Variants in CDH3 observed in about 807,000 individuals in gnomAD.
CDH3 encodes the protein cadherin-3.
A neutral mutation model predicts 82.0 loss-of-function variants in CDH3; 54 were observed. That is an observed-to-expected ratio of 0.66 (90% CI 0.53 to 0.83). The LOEUF (loss-of-function observed/expected upper bound fraction) is 0.83, where lower values mean the gene tolerates loss of function less well. Ranked by LOEUF, CDH3 falls within the 40% of genes least tolerant of loss-of-function variation. The pLI is 0.00. For missense variants in CDH3, 1,054 were observed against 1,084.6 expected (o/e 0.97, Z 0.40); for synonymous variants, 446 against 437.9 (o/e 1.02, Z -0.23).
intron 2 of CDH3, among the ~76,000 whole-genome samples, chr16:68,726,089 G>A (rs901465492): frequency 6.6e-6 from 1 of 152,140 alleles, no homozygotes; most frequent in African/African-American, 2.4e-5. Context: ...GAATTCAGAA[G>A]CAGGCAGTCA....
At chr16:68,672,522 C>T (rs766544674) in intron 2 of CDH3, among the ~76,000 whole-genome samples, 5 of 152,158 alleles carry the variant, frequency 3.3e-5, no homozygotes, top group African/African-American at 4.8e-5. Flanking sequence ...CTTCTGAGGA[C>T]AGAAGATGAG....
Position 68,695,795 on chromosome 16 carries a change from C to CCGGAG in CDH3, c.2152_2153insCGGAG (p.Leu718ProfsTer43). The stretch of plus-strand genomic sequence containing the variant: ...CCCACAGGACTATGACATCACCCAG[C>CCGGAG]TCCACCGAGGTCTGGAGGCCAGGCC... On this transcript the variant is annotated frameshift_variant, in exon 15 of 16. Coordinates refer to ENST00000264012, the MANE Select transcript of CDH3 (RefSeq NM_001793.6). LOFTEE classifies it high-confidence loss of function. The CCGGAG allele has an allele frequency of 3.7e-6, 6 of 1,614,148 alleles. No individual in the cohort carries two copies. The highest frequency in any genetic ancestry group is 5.1e-6 in the Non-Finnish European group (6 of 1,180,032).
chr16:68,719,282 A>G (rs551579161), intron 1 of CDH3, among the ~76,000 whole-genome samples: 1 of 151,868 alleles, frequency 6.6e-6, no homozygotes, highest in South Asian at 2.1e-4. Context: ...AAAACGAACT[A>G]TGAACTACAG....
intron 11 of CDH3, among the ~76,000 whole-genome samples, chr16:68,686,045 G>A (rs1199175434): frequency 6.6e-6 from 1 of 152,176 alleles, no homozygotes; most frequent in Non-Finnish European, 1.5e-5. Context: ...GCCGGGCATG[G>A]TGACTCAAGC....
At chr16:68,706,336 A>G (rs1184252412) in intron 1 of CDH3, among the ~76,000 whole-genome samples, 2 of 151,866 alleles carry the variant, frequency 1.3e-5, no homozygotes, top group African/African-American at 4.8e-5. Flanking sequence ...GCCCTGCTCT[A>G]CCCAGCCCAA....
chr16:68,722,112 G>A (rs762649464), intron 1 of CDH3, among the ~76,000 whole-genome samples: 1 of 152,096 alleles, frequency 6.6e-6, no homozygotes, highest in African/African-American at 2.4e-5. Context: ...AACAACAAAA[G>A]GATTATCCTT....
In CDH3 at chr16:68,654,380, A is replaced by ATTTTTTTTTTTTTTTTTTTTTTTT. The variant is rs1176713669; in HGVS notation, c.160+8645_160+8668dup. On this transcript the variant is annotated intron_variant, in intron 2 of 15. Coordinates refer to ENST00000264012, the MANE Select transcript of CDH3 (RefSeq NM_001793.6). ...GGCCTTTTTCTTAATTTTTAAATTA[A>ATTTTTTTTTTTTTTTTTTTTTTTT]TTTTTTTTTTTTTTTTTTTTTTTTT... 6.2e-5 allele frequency among the ~76,000 whole-genome samples: 3 copies of ATTTTTTTTTTTTTTTTTTTTTTTT among 48,494 alleles called. 1 individual carries two copies. Among genetic ancestry groups the ATTTTTTTTTTTTTTTTTTTTTTTT allele is most frequent in the Admixed American group, 3.2e-4 (1 of 3,148 alleles). The allele number at this position is 48,494 out of a possible 152,430, so 31.8% of individuals were successfully genotyped here.
chr16:68,725,669 T>C (rs1290843084), intron 2 of CDH3, among the ~76,000 whole-genome samples: 8 of 152,078 alleles, frequency 5.3e-5, no homozygotes, highest in Admixed American at 5.2e-4. Flanking sequence ...ACAAAGTAGG[T>C]TCCATTATTA....
At position 68,682,433 on chromosome 16, in the gene CDH3, T is replaced by C. The variant is rs759791249; in HGVS notation, c.1128T>C (p.His376=). 1.2e-6 allele frequency: 2 copies of C among 1,614,024 alleles called. No individual in the cohort carries two copies. The highest frequency in any genetic ancestry group is 1.7e-6 in the Non-Finnish European group (2 of 1,180,002). The change falls in exon 9 of 16, where the codon CAT becomes CAC. Residue 376 remains histidine (H), a synonymous_variant. Coordinates refer to ENST00000264012, the MANE Select transcript of CDH3 (RefSeq NM_001793.6). ...YLIMGGDDGD[H]FTITTHPESN... is the part of the protein sequence containing the mutation. ...TCATGGGCGGTGACGACGGGGACCA[T>C]TTTACCATCACCACCCACCCTGAGA...
At chr16:68,695,561 G>A (rs1408026707) in intron 14 of CDH3, among the ~76,000 whole-genome samples, 176 bp downstream of exon 14, 1 of 152,198 alleles carries the variant, frequency 6.6e-6, no homozygotes, top group African/African-American at 2.4e-5. Context: ...TAGTCTCTTT[G>A]GCCCTAGCCA....
chr16:68,715,641 C>G (rs1285923464), intron 1 of CDH3, among the ~76,000 whole-genome samples: 1 of 152,168 alleles, frequency 6.6e-6, no homozygotes, highest in Non-Finnish European at 1.5e-5. Context: ...TGGTGCACAG[C>G]ATTTTAATAA....
chr16:68,702,419 G>A (rs369559337), downstream of CDH3, among the ~76,000 whole-genome samples: 13 of 152,264 alleles, frequency 8.5e-5, no homozygotes, highest in East Asian at 1.2e-3. Flanking sequence ...GATGGGGATC[G>A]TGGTCCCGGT....
chr16:68,687,814 A>G (rs1961459284), intron 12 of CDH3, 78 bp downstream of exon 12: 2 of 987,850 alleles, frequency 2.0e-6, no homozygotes, highest in South Asian at 2.6e-5. Context: ...GATTCTGCAC[A>G]CGTTCCTATC....
chr16:68,694,147 G>A (rs967093754), intron 13 of CDH3, among the ~76,000 whole-genome samples: 16 of 151,504 alleles, frequency 1.1e-4, no homozygotes, highest in Admixed American at 7.3e-4. Flanking sequence ...GTGACAGAGC[G>A]AGACTCTGTT....
Position 68,645,400 on chromosome 16 carries a change from T to C in CDH3, c.21T>C (p.Pro7=), listed in dbSNP as rs1383271094. 2.5e-6 allele frequency: 4 copies of C among 1,613,376 alleles called. No homozygotes were observed. Among genetic ancestry groups the C allele is most frequent in the Non-Finnish European group, 3.4e-6 (4 of 1,179,798 alleles). Residue 7 remains proline (P), a synonymous_variant, in exon 1 of 16, where the codon CCT becomes CCC. Coordinates refer to ENST00000264012, the MANE Select transcript of CDH3 (RefSeq NM_001793.6). MGLPRG[P]LASLLLLQVC... ...CAGCCATGGGGCTCCCTCGTGGACC[T>C]CTCGCGTCTCTCCTCCTTCTCCAGG...
At chr16:68,646,856 C>T (rs935485943) in intron 2 of CDH3, among the ~76,000 whole-genome samples, 3 of 152,174 alleles carry the variant, frequency 2.0e-5, no homozygotes, top group African/African-American at 7.2e-5. Context: ...ACTTATCCCT[C>T]ACCCCAGGCA....
intron 2 of CDH3, among the ~76,000 whole-genome samples, chr16:68,665,787 C>T (rs1410870534): frequency 6.6e-6 from 1 of 152,112 alleles, no homozygotes; most frequent in African/African-American, 2.4e-5. Flanking sequence ...AGGGAAGACT[C>T]ACCTCCTAAG....
intron 13 of CDH3, among the ~76,000 whole-genome samples, chr16:68,694,042 G>C (rs1961641913): frequency 6.6e-6 from 1 of 152,106 alleles, no homozygotes; most frequent in Admixed American, 6.6e-5. Context: ...ATCACCTGAG[G>C]TCAGGAGTTA....
intron 3 of CDH3, 50 bp from the exon 4 acceptor site, chr16:68,678,084 C>T (rs986076451): frequency 6.5e-7 from 1 of 1,549,846 alleles, no homozygotes; most frequent in Non-Finnish European, 8.9e-7. Flanking sequence ...GGATGTTGAG[C>T]ATGTCCCAGC....
Sources: allele counts gnomAD v4.1 joint callset (sites outside exome capture counted in the v4.1 genomes callset), GRCh38; gene constraint gnomAD v4.1.1; transcripts MANE v1.5; gene names NCBI Gene and HGNC (gene_info 2026-07-23, HGNC 2026-07-21).